Variants in ROS1 observed in about 807,000 individuals in gnomAD.
ROS1 encodes the protein proto-oncogene tyrosine-protein kinase ROS.
Under a neutral mutation model 273.5 loss-of-function variants are expected in ROS1, and 263 were observed. The ratio of observed to expected loss-of-function variants is 0.96; its 90% CI spans 0.87 to 1.06. ROS1 has a LOEUF of 1.06. ROS1 is among the 50% of genes least tolerant of loss of function. ROS1 has a pLI of 0.00. For synonymous variants in ROS1, 1,008 were observed against 954.1 expected (o/e 1.06, Z -1.04); for missense variants, 2,833 against 2,751.1 (o/e 1.03, Z -0.67).
chr6:117,425,534 C>T lies in ROS1; in HGVS notation c.123G>A (p.Leu41=). Residue 41 remains leucine, a splice_region_variant and synonymous_variant, in exon 1 of 44, where the codon CTG becomes CTA. Transcript: ENST00000368507. ...ACAAATATTAGATTGTGAGACTTAC[C>T]AGATTAGTTACACACGACTTTAGGC... ...NSCLKSCVTN[L]GQQLDLGTPH... 1.3e-6 allele frequency: 2 copies of T among 1,588,552 alleles called. No homozygotes were observed. The highest frequency in any genetic ancestry group is 2.4e-5 in the South Asian group (2 of 85,026).
chr6:117,320,167 C>T (rs75236299), intron 36 of ROS1, 137 bp from the exon 37 acceptor site: 81,293 of 725,346 alleles, frequency 0.11, 5,161 homozygotes, highest in Middle Eastern at 0.17. Context: ...TTATGTGACA[C>T]GGTGATGTGG....
chr6:117,388,140 C>T (rs1772748235), intron 13 of ROS1, 148 bp from the exon 14 acceptor site: 1 of 1,253,242 alleles, frequency 8.0e-7, no homozygotes, highest in African/African-American at 1.5e-5. Context: ...CACCAGGGAT[C>T]ATTTGTTGAT....
intron 42 of ROS1, chr6:117,301,599 C>T (rs1364724628): frequency 6.5e-6 from 1 of 153,596 alleles, no homozygotes; most frequent in East Asian, 1.9e-4. Context: ...ATGACCTTCC[C>T]TGATAGAAGA....
chr6:117,411,783 T>G (rs542398229), intron 4 of ROS1, among the ~76,000 whole-genome samples: 1 of 152,208 alleles, frequency 6.6e-6, no homozygotes, highest in Non-Finnish European at 1.5e-5. Flanking sequence ...AAGCATGGTT[T>G]TGGGATCTAA....
chr6:117,297,005 A>C (rs1465069438), intron 43 of ROS1, among the ~76,000 whole-genome samples: 1 of 152,206 alleles, frequency 6.6e-6, no homozygotes, highest in African/African-American at 2.4e-5. Context: ...ACAGTATGGT[A>C]CTGGTATAAA....
At chr6:117,334,988 A>C (rs1236284684) in intron 32 of ROS1, among the ~76,000 whole-genome samples, 1 of 152,236 alleles carries the variant, frequency 6.6e-6, no homozygotes, top group Non-Finnish European at 1.5e-5. Flanking sequence ...AAAATAGACA[A>C]ATGGGATCTA....
chr6:117,289,186 T>G (rs1041969365), intron 43 of ROS1, among the ~76,000 whole-genome samples: 5 of 152,252 alleles, frequency 3.3e-5, no homozygotes, highest in African/African-American at 1.2e-4. Context: ...CCTTTTTGTC[T>G]AAAGTATGTA....
intron 17 of ROS1, among the ~76,000 whole-genome samples, chr6:117,383,066 C>T (rs1029775728): frequency 1.3e-5 from 2 of 151,326 alleles, no homozygotes; most frequent in South Asian, 2.1e-4. Flanking sequence ...ATAAAGTAAA[C>T]AAAAAAAATC....
Position 117,322,025 on chromosome 6 carries a change from A to T in ROS1, c.5624-631T>A, listed in dbSNP as rs576592495. 2.8e-3 allele frequency among the ~76,000 whole-genome samples: 426 copies of T among 151,994 alleles called. 2 individuals are homozygous for T. Among genetic ancestry groups the T allele is most frequent in the African/African-American group, 9.6e-3 (400 of 41,530 alleles). ...GCAGTATTAGTTTTATAATAATAAA[A>T]TTTTTTTAATATTAAAATACAATTA... On this transcript the variant is annotated intron_variant, in intron 35 of 43. Transcript: ENST00000368507.
intron 43 of ROS1, among the ~76,000 whole-genome samples, chr6:117,293,599 A>T (rs1272365310): frequency 6.6e-6 from 1 of 152,166 alleles, no homozygotes; most frequent in East Asian, 1.9e-4. Flanking sequence ...TTACTTTTAC[A>T]ATAAAGATCT....
intron 39 of ROS1, among the ~76,000 whole-genome samples, chr6:117,316,639 A>AAG (rs1223378297): frequency 1.3e-5 from 2 of 152,062 alleles, no homozygotes; most frequent in Admixed American, 6.6e-5. Flanking sequence ...GATGTAGGGA[A>AAG]AGAGAAAGCA....
intron 6 of ROS1, 81 bp downstream of exon 6, chr6:117,404,199 C>A (rs1774198645): frequency 7.6e-7 from 1 of 1,323,312 alleles, no homozygotes; most frequent in South Asian, 1.3e-5. Context: ...CCAGCCTGGG[C>A]GACAGAGCGA....
At chr6:117,395,381 T>C (rs1227776312) in intron 9 of ROS1, among the ~76,000 whole-genome samples, 1 of 152,146 alleles carries the variant, frequency 6.6e-6, no homozygotes, top group Non-Finnish European at 1.5e-5. Flanking sequence ...ATACCTCTCC[T>C]TTCCTAGAGT....
intron 38 of ROS1, 123 bp from the exon 39 acceptor site, chr6:117,317,395 C>A: frequency 8.9e-7 from 1 of 1,119,816 alleles, no homozygotes. Context: ...CTTAGTGTCT[C>A]TAACACTTCG....
rs1468220775 is a variant in ROS1, at chr6:117,342,411, GT to G, written c.4639del (p.Thr1547LeufsTer50). On this transcript the variant is annotated frameshift_variant, in exon 29 of 44. Coordinates refer to ENST00000368507, the MANE Select transcript of ROS1 (RefSeq NM_001378902.1). LOFTEE classifies it high-confidence loss of function. ...AGCCCATAACTTACCTCCATTTTTA[GT>G]TTTTCCCCAAATCTCTTTTCCTGGT... ...LPPGKEIWGK[T>X]KNGVPEAVQL... 1 of 1,611,916 alleles carries G rather than the reference GT, an allele frequency of 6.2e-7. No individual in the cohort carries two copies. The highest frequency in any genetic ancestry group is 1.1e-5 in the South Asian group (1 of 90,920).
chr6:117,420,317 C>T (rs1229121642), intron 1 of ROS1, among the ~76,000 whole-genome samples: 1 of 151,110 alleles, frequency 6.6e-6, no homozygotes, highest in Non-Finnish European at 1.5e-5. Context: ...AAATTCAGTC[C>T]CAGATCTCAA....
chr6:117,353,794 T>C (rs926287256), intron 26 of ROS1, among the ~76,000 whole-genome samples: 2 of 152,172 alleles, frequency 1.3e-5, no homozygotes, highest in African/African-American at 2.4e-5. Flanking sequence ...TTAATAATAA[T>C]GAATGTGGAA....
chr6:117,394,729 T>C lies in ROS1; in HGVS notation c.893A>G (p.Glu298Gly). The stretch of plus-strand genomic sequence containing the variant: ...TCTGGATAAAAAGAGCCACTGTTCC[T>C]CTTGTTGAACTGAAAAAAACAACAC... ...ITTSSSAVQQ[E>G]EQWLFLSRKT... The change falls in exon 10 of 44, where the codon GAG (glutamate) becomes GGG (glycine). Residue 298 changes from glutamate to glycine, a missense_variant. Physicochemically the swap from Glu to Gly is moderately conservative, Grantham distance 98. Transcript: ENST00000368507. 1 of 1,608,798 alleles carries C rather than the reference T, an allele frequency of 6.2e-7. No individual in the cohort carries two copies. Among genetic ancestry groups the C allele is most frequent in the Non-Finnish European group, 8.5e-7 (1 of 1,177,976 alleles).
chr6:117,308,747 C>G (rs201728488), intron 42 of ROS1, 47 bp downstream of exon 42: 1 of 1,590,806 alleles, frequency 6.3e-7, no homozygotes, highest in East Asian at 2.2e-5. Flanking sequence ...ATTGTATGTG[C>G]ACATGTTTTT....
Sources: gnomAD v4.1 joint callset for allele counts (sites outside exome capture counted in the v4.1 genomes callset) on GRCh38, gnomAD v4.1.1 for gene constraint, MANE v1.5 for transcripts, NCBI Gene and HGNC (gene_info 2026-07-23, HGNC 2026-07-21) for gene names.